ROBO2: variants seen among roughly 807,000 people sequenced by gnomAD.
ROBO2 encodes the protein roundabout homolog 2.
A neutral mutation model predicts 160.8 loss-of-function variants in ROBO2; 53 were observed. That is an observed-to-expected ratio of 0.33 (90% CI 0.26 to 0.41). ROBO2 has a LOEUF of 0.41. Among genes scored for constraint, ROBO2 ranks in the 10% least tolerant of loss-of-function variants. ROBO2 has a pLI of 1.00. For missense variants in ROBO2, 1,577 were observed against 1,722.4 expected (o/e 0.92, Z 1.49); for synonymous variants, 664 against 611.7 (o/e 1.09, Z -1.26).
At chr3:77,523,572 A>C (rs946637140) in intron 6 of ROBO2, among the ~76,000 whole-genome samples, 1 of 151,386 alleles carries the variant, frequency 6.6e-6, no homozygotes, top group African/African-American at 2.4e-5. Flanking sequence ...TAAGTGAAAG[A>C]AAGCATTACT....
At chr3:77,540,738 C>A (rs2092423495) in intron 6 of ROBO2, among the ~76,000 whole-genome samples, 1 of 152,068 alleles carries the variant, frequency 6.6e-6, no homozygotes, top group African/African-American at 2.4e-5. Flanking sequence ...CTTAATAAAC[C>A]AAAATAAATT....
chr3:76,230,897 T>C (rs760533046), intron 2 of ROBO2, among the ~76,000 whole-genome samples: 2 of 152,090 alleles, frequency 1.3e-5, no homozygotes, highest in Non-Finnish European at 2.9e-5. Flanking sequence ...GACACAGACT[T>C]GTATATCAAT....
At chr3:76,337,615 A>G (rs764840263) in intron 2 of ROBO2, among the ~76,000 whole-genome samples, 1 of 152,194 alleles carries the variant, frequency 6.6e-6, no homozygotes, top group Non-Finnish European at 1.5e-5. Flanking sequence ...TATGACATGG[A>G]AGAAGAGAAA....
chr3:76,790,773 A>T (rs1211332640), intron 2 of ROBO2, among the ~76,000 whole-genome samples: 3 of 151,806 alleles, frequency 2.0e-5, no homozygotes, highest in Non-Finnish European at 4.4e-5. Context: ...AATTGGAGCT[A>T]TTTCTTACCT....
At chr3:76,481,781 G>A (rs976434650) in intron 2 of ROBO2, among the ~76,000 whole-genome samples, 1 of 152,064 alleles carries the variant, frequency 6.6e-6, no homozygotes, top group Admixed American at 6.6e-5. Context: ...AGTTAAGAGC[G>A]TCACTCCACA....
rs1014601481 is a variant in ROBO2, at chr3:76,086,325, C to T, written c.109+148723C>T. On this transcript the variant is annotated intron_variant, in intron 2 of 26. Coordinates refer to the ROBO2 transcript ENST00000487694. ...CATGAGAACAGCATGGAGGTAACCG[C>T]CCCCATGATTCAGTCACTTCCTGCT... 2.0e-5 allele frequency among the ~76,000 whole-genome samples: 3 copies of T among 152,072 alleles called. No individual in the cohort carries two copies. In the South Asian group the frequency reaches 6.2e-4, roughly 32 times the overall value.
intron 2 of ROBO2, among the ~76,000 whole-genome samples, chr3:76,129,171 A>G (rs1038466067): frequency 6.6e-6 from 1 of 152,130 alleles, no homozygotes; most frequent in Admixed American, 6.5e-5. Context: ...TGGAGGTCAC[A>G]CTTTGATCTA....
intron 2 of ROBO2, among the ~76,000 whole-genome samples, chr3:77,152,260 A>AT (rs1296207323): frequency 1.3e-5 from 2 of 152,212 alleles, no homozygotes; most frequent in Non-Finnish European, 1.5e-5. Context: ...ATCATTTAAA[A>AT]TTTACTAGGT....
At chr3:76,296,747 T>C (rs2107723860) in intron 2 of ROBO2, among the ~76,000 whole-genome samples, 1 of 152,306 alleles carries the variant, frequency 6.6e-6, no homozygotes, top group South Asian at 2.1e-4. Context: ...GAACTGCATA[T>C]GGTGCCAGTG....
chr3:75,917,608 C>A (rs1005605947), intron 1 of ROBO2, among the ~76,000 whole-genome samples: 1 of 152,168 alleles, frequency 6.6e-6, no homozygotes, highest in African/African-American at 2.4e-5. Flanking sequence ...TGAGGAATCA[C>A]CACATTGTCT....
intron 2 of ROBO2, among the ~76,000 whole-genome samples, chr3:76,455,929 T>C (rs1257803613): frequency 1.3e-5 from 2 of 152,194 alleles, no homozygotes; most frequent in East Asian, 3.8e-4. Context: ...TCATTATGCA[T>C]GTGAGGAATG....
At chr3:77,262,252 T>C (rs1407209586) in intron 2 of ROBO2, among the ~76,000 whole-genome samples, 6 of 152,148 alleles carry the variant, frequency 3.9e-5, no homozygotes, top group African/African-American at 1.4e-4. Flanking sequence ...TGTCCAGTGA[T>C]TGGAAACACA....
At chr3:77,426,275 G>A (rs1197850367) in intron 2 of ROBO2, among the ~76,000 whole-genome samples, 2 of 152,088 alleles carry the variant, frequency 1.3e-5, no homozygotes, top group Admixed American at 1.3e-4. Flanking sequence ...TGATCAAGGA[G>A]AATCGATGGG....
chr3:76,813,129 T>G (rs2065348855), intron 2 of ROBO2, among the ~76,000 whole-genome samples: 1 of 152,018 alleles, frequency 6.6e-6, no homozygotes, highest in Non-Finnish European at 1.5e-5. Context: ...TTAAGTACAG[T>G]CATAGCTCAT....
At chr3:76,484,037 T>G (rs1352362979) in intron 2 of ROBO2, among the ~76,000 whole-genome samples, 2 of 152,176 alleles carry the variant, frequency 1.3e-5, no homozygotes, top group Non-Finnish European at 2.9e-5. Flanking sequence ...CACATGCATG[T>G]GTCTTTATAA....
intron 2 of ROBO2, among the ~76,000 whole-genome samples, chr3:76,595,125 C>A (rs1000252327): frequency 1.3e-5 from 2 of 151,978 alleles, no homozygotes; most frequent in African/African-American, 2.4e-5. Context: ...GATTTATGGG[C>A]ACACTGATCT....
chr3:76,338,560 C>A (rs765901160), intron 2 of ROBO2, among the ~76,000 whole-genome samples: 14 of 151,810 alleles, frequency 9.2e-5, no homozygotes, highest in Non-Finnish European at 1.8e-4. Context: ...GTAGTACTAT[C>A]TACTTGGGAG....
intron 2 of ROBO2, among the ~76,000 whole-genome samples, chr3:77,019,606 T>C (rs1485901571): frequency 2.0e-5 from 3 of 152,162 alleles, no homozygotes; most frequent in African/African-American, 4.8e-5. Context: ...ACAAGGAATA[T>C]GTAGGGAATT....
chr3:77,092,383 A>T (rs1360433140), intron 1 of ROBO2, among the ~76,000 whole-genome samples: 1 of 151,900 alleles, frequency 6.6e-6, no homozygotes, highest in Non-Finnish European at 1.5e-5. Flanking sequence ...ATTAAAGGTC[A>T]TGAGTTCTAA....
Sources: allele counts gnomAD v4.1 joint callset (sites outside exome capture counted in the v4.1 genomes callset), GRCh38; gene constraint gnomAD v4.1.1; transcripts MANE v1.5; gene names NCBI Gene and HGNC (gene_info 2026-07-23, HGNC 2026-07-21).